Variants in EFHC1 observed in about 807,000 individuals in gnomAD.
EFHC1 encodes the protein EF-hand domain containing 1.
A neutral mutation model predicts 69.9 loss-of-function variants in EFHC1; 53 were observed. The ratio of observed to expected loss-of-function variants is 0.76; its 90% CI spans 0.61 to 0.95. The LOEUF (loss-of-function observed/expected upper bound fraction) is 0.95, where lower values mean the gene tolerates loss of function less well. Among genes scored for constraint, EFHC1 ranks in the 40% least tolerant of loss-of-function variants. EFHC1 has a pLI of 0.00. For missense variants in EFHC1, 739 were observed against 798.7 expected (o/e 0.93, Z 0.90); for synonymous variants, 256 against 278.4 (o/e 0.92, Z 0.80).
intron 9 of EFHC1, among the ~76,000 whole-genome samples, chr6:52,481,068 C>T (rs1000208842): frequency 6.6e-6 from 1 of 152,114 alleles, no homozygotes; most frequent in African/African-American, 2.4e-5. Flanking sequence ...GAGACTATTG[C>T]AGTATTCCAG....
At position 52,452,762 on chromosome 6, in the gene EFHC1, A is replaced by G; in HGVS notation, c.648A>G (p.Arg216=). The G allele has an allele frequency of 1.2e-6, 2 of 1,614,230 alleles. No homozygotes were observed. The highest frequency in any genetic ancestry group is 1.7e-6 in the Non-Finnish European group (2 of 1,180,034). The change falls in exon 4 of 11, where the codon CGA becomes CGG. Residue 216 remains arginine, a synonymous_variant. Transcript: ENST00000371068. ...KMALDPYTEL[R]KQPLRKYVTP... ...CTCTTGATCCTTACACTGAACTCCG[A>G]AAACAGCCTCTTCGTAAGTATGTCA...
chr6:52,480,569 T>C (rs970076556), intron 9 of EFHC1, among the ~76,000 whole-genome samples: 1 of 152,184 alleles, frequency 6.6e-6, no homozygotes, highest in African/African-American at 2.4e-5. Context: ...TGATGAATGC[T>C]GTAAAAATTG....
intron 3 of EFHC1, among the ~76,000 whole-genome samples, chr6:52,449,917 A>G (rs552462752): frequency 6.6e-6 from 1 of 152,142 alleles, no homozygotes; most frequent in East Asian, 1.9e-4. Context: ...TTAATTTGAG[A>G]TGTAACTTTT....
intron 2 of EFHC1, among the ~76,000 whole-genome samples, chr6:52,436,696 C>T (rs1367123817): frequency 6.6e-6 from 1 of 152,142 alleles, no homozygotes; most frequent in Non-Finnish European, 1.5e-5. Flanking sequence ...CGCTGGAGTG[C>T]AGTGGCGCTA....
chr6:52,431,188 T>C (rs1764405229), intron 2 of EFHC1, among the ~76,000 whole-genome samples: 1 of 152,186 alleles, frequency 6.6e-6, no homozygotes, highest in African/African-American at 2.4e-5. Flanking sequence ...TGTTTGTTTA[T>C]TTCAATTTCA....
chr6:52,456,320 T>A (rs1013901620), intron 5 of EFHC1, among the ~76,000 whole-genome samples: 2 of 152,188 alleles, frequency 1.3e-5, no homozygotes, highest in Non-Finnish European at 2.9e-5. Context: ...ACTAATATAG[T>A]AATTTTGGCC....
At chr6:52,488,416 A>G (rs1270373236) in intron 9 of EFHC1, 1 of 152,252 alleles carries the variant, frequency 6.6e-6, no homozygotes, top group Admixed American at 6.5e-5. Context: ...GGGAATAAAA[A>G]TCTAGGTAAT....
chr6:52,420,942 C>G (rs1764177001), intron 1 of EFHC1: 1 of 961,762 alleles, frequency 1.0e-6, no homozygotes. Flanking sequence ...CAACCTCATT[C>G]CCACAGGTCC....
chr6:52,447,369 A>G (rs189243015), intron 3 of EFHC1, among the ~76,000 whole-genome samples: 3 of 152,302 alleles, frequency 2.0e-5, no homozygotes, highest in Admixed American at 6.5e-5. Flanking sequence ...ACTGAAGCTT[A>G]TGCATGCATC....
chr6:52,421,089 A>G (rs1562441057), intron 1 of EFHC1: 1 of 969,240 alleles, frequency 1.0e-6, no homozygotes. Flanking sequence ...TTTCTTCTTT[A>G]TGCTTGCATC....
intron 1 of EFHC1, 49 bp downstream of exon 1, chr6:52,420,522 C>T (rs1021904637): frequency 1.2e-6 from 2 of 1,611,430 alleles, no homozygotes; most frequent in Non-Finnish European, 1.7e-6. Context: ...TTCCAGCAGC[C>T]CAGGAGGTTT....
In EFHC1 at chr6:52,454,129, A is replaced by G. The variant is rs772699141; in HGVS notation, c.758A>G (p.Asp253Gly). Residue 253 changes from aspartate to glycine, a missense_variant, in exon 5 of 11, where the codon GAC becomes GGC. Physicochemically the swap from Asp to Gly is moderately conservative, Grantham distance 94. Transcript: ENST00000371068. The stretch of plus-strand genomic sequence containing the variant: ...TTCTATGCAATCTGGGATGATACAG[A>G]CAGCATGTATGGTGAATGTCGGACC... ...LRFYAIWDDTDSMYGECRTYI... is the reference protein window; with the variant it reads ...LRFYAIWDDTGSMYGECRTYI... 3.1e-6 allele frequency: 5 copies of G among 1,613,970 alleles called. No homozygotes were observed. The highest frequency in any genetic ancestry group is 4.2e-6 in the Non-Finnish European group (5 of 1,179,980).
At chr6:52,478,243 GGAAGGGGAA>G (rs1765586757) in intron 7 of EFHC1, among the ~76,000 whole-genome samples, 1 of 151,840 alleles carries the variant, frequency 6.6e-6, no homozygotes, top group Non-Finnish European at 1.5e-5. Context: ...CATGGACACA[GGAAGGGGAA>G]TTTCACACTC....
chr6:52,423,438 C>T lies in EFHC1; in HGVS notation c.64-508C>T, dbSNP rs9474220. 9.4e-3 allele frequency among the ~76,000 whole-genome samples: 1,426 copies of T among 152,214 alleles called. 23 individuals carry two copies. The highest frequency in any genetic ancestry group is 0.032 in the African/African-American group (1,309 of 41,538). ...TTACTTTAAGCTTAGGTGGCTACTTCGCTCCTTGTTCTTGTTCAAGTGTTT... is the reference window on the plus strand; with the variant it reads ...TTACTTTAAGCTTAGGTGGCTACTTTGCTCCTTGTTCTTGTTCAAGTGTTT... On this transcript the variant is annotated intron_variant, in intron 1 of 10. Transcript: ENST00000371068.
At chr6:52,460,599 C>T (rs1765143822) in intron 5 of EFHC1, among the ~76,000 whole-genome samples, 1 of 151,992 alleles carries the variant, frequency 6.6e-6, no homozygotes, top group Admixed American at 6.6e-5. Flanking sequence ...ACACTAGATT[C>T]GAAAAGATCA....
intron 1 of EFHC1, among the ~76,000 whole-genome samples, chr6:52,422,727 C>G (rs923460193): frequency 1.3e-5 from 2 of 152,084 alleles, no homozygotes; most frequent in Non-Finnish European, 2.9e-5. Flanking sequence ...ATTTGCCTTT[C>G]TACTCTTTTT....
intron 9 of EFHC1, among the ~76,000 whole-genome samples, chr6:52,481,184 T>C (rs779772696): frequency 5.9e-5 from 9 of 152,104 alleles, no homozygotes; most frequent in Admixed American, 3.3e-4. Context: ...GGACTTCAGA[T>C]AGATTTTCTA....
At chr6:52,426,956 G>A (rs187823065) in intron 2 of EFHC1, among the ~76,000 whole-genome samples, 9 of 152,160 alleles carry the variant, frequency 5.9e-5, no homozygotes, top group East Asian at 5.8e-4. Context: ...ATTTTTCTGG[G>A]AAAATGCCAT....
At chr6:52,428,011 C>T (rs1028598539) in intron 2 of EFHC1, among the ~76,000 whole-genome samples, 4 of 152,048 alleles carry the variant, frequency 2.6e-5, no homozygotes, top group African/African-American at 9.7e-5. Flanking sequence ...CTAATTTCCT[C>T]GTCTATAAAC....
Sources: gnomAD v4.1 joint callset for allele counts (sites outside exome capture counted in the v4.1 genomes callset) on GRCh38, gnomAD v4.1.1 for gene constraint, MANE v1.5 for transcripts, NCBI Gene and HGNC (gene_info 2026-07-23, HGNC 2026-07-21) for gene names.